B4GALNT2: variants seen among roughly 807,000 people sequenced by gnomAD.
B4GALNT2 encodes N-acetylneuraminylgalactosylglucosyl-glucoside beta-1,4-N- acetylgalactosaminyltransferase 2.
In B4GALNT2, 42 loss-of-function variants were observed where a neutral mutation model predicts 51.1. The observed-to-expected ratio is 0.82, with a 90% CI of 0.64 to 1.06. The LOEUF is 1.06. Among genes scored for constraint, B4GALNT2 ranks in the 50% least tolerant of loss-of-function variants. The pLI is 0.00. For missense variants in B4GALNT2, 602 were observed against 633.6 expected (o/e 0.95, Z 0.54); for synonymous variants, 253 against 251.7 (o/e 1.01, Z -0.05).
chr17:49,125,288 T>A, the B4GALNT2 span, among the ~76,000 whole-genome samples: 9 of 152,118 alleles, frequency 5.9e-5, no homozygotes, highest in Admixed American at 4.6e-4. Context: ...GCCTCCCGAG[T>A]AGCTGGGATT....
the B4GALNT2 span, among the ~76,000 whole-genome samples, chr17:49,126,849 C>G: frequency 2.6e-5 from 4 of 152,026 alleles, no homozygotes; most frequent in East Asian, 1.9e-4. Context: ...TAGGTACGTG[C>G]CACTACGCCC....
Position 49,141,296 on chromosome 17 carries a change from G to T in B4GALNT2, c.64G>T (p.Gly22Cys), listed in dbSNP as rs781083107. ...GATATTGGTCATAATCCTGGTACTTGGCATTGTTGGATTTATGTTCGGAAG... is the reference window on the plus strand; with the variant it reads ...GATATTGGTCATAATCCTGGTACTTTGCATTGTTGGATTTATGTTCGGAAG... ...LKILVIILVLGIVGFMFGSMF... is the reference protein window; with the variant it reads ...LKILVIILVLCIVGFMFGSMF... The change falls in exon 2 of 11, where the codon GGC becomes TGC. Residue 22 changes from glycine to cysteine, a missense_variant. Physicochemically the swap from Gly to Cys is radical, Grantham distance 159 (BLOSUM62 -3). Transcript: ENST00000393354. 8.7e-6 allele frequency: 14 copies of T among 1,614,014 alleles called. No individual in the cohort carries two copies. Among genetic ancestry groups the T allele is most frequent in the Non-Finnish European group, 1.1e-5 (13 of 1,179,984 alleles).
rs2042992223 is a variant in B4GALNT2 at position 49,176,826 on chromosome 17, G to T, written c.*7098G>T. The T allele has an allele frequency of 6.6e-6, 1 of 152,114 alleles. No homozygotes were observed. The highest frequency in any genetic ancestry group is 1.5e-5 in the Non-Finnish European group (1 of 68,018). The allele number at this position is 152,114 out of a possible 1,614,324, so 9.4% of individuals were successfully genotyped here. ...ATATTAATAAAAATTCCTGAAAAAT[G>T]GACTTACAGCAAAATTGATTTTGGT... On this transcript the variant is annotated 3_prime_UTR_variant, in exon 11 of 11. Transcript: ENST00000393354.
At chr17:49,132,328 A>G, upstream of B4GALNT2, 1 of 166,766 alleles carries the variant, frequency 6.0e-6, no homozygotes, top group Non-Finnish European at 1.3e-5. Context: ...AGAAGGATTC[A>G]GCCACACCCC....
At chr17:49,161,065 A>G (rs989459627) in intron 7 of B4GALNT2, among the ~76,000 whole-genome samples, 12 of 152,168 alleles carry the variant, frequency 7.9e-5, no homozygotes, top group Non-Finnish European at 1.5e-4. Flanking sequence ...ACCTGAGGTC[A>G]GGAGTTCAAG....
In B4GALNT2 at chr17:49,176,235, C is replaced by T. The variant is rs1443358890; in HGVS notation, c.*6507C>T. The T allele has an allele frequency of 2.0e-5, 3 of 152,224 alleles. No individual in the cohort carries two copies. Among genetic ancestry groups the T allele is most frequent in the African/African-American group, 4.8e-5 (2 of 41,448 alleles). The allele number at this position is 152,224 out of a possible 1,614,324, so 9.4% of individuals were successfully genotyped here. A position where few individuals can be genotyped will look rare whatever the true frequency, so the allele number is the denominator to read the frequency against. On this transcript the variant is annotated 3_prime_UTR_variant, in exon 11 of 11. Transcript: ENST00000393354. ...CCAGCTCGGTCTTGGAGACCCTAACCCAGCGGCGCTAGAGGAATTAAAGAC... is the reference window on the plus strand; with the variant it reads ...CCAGCTCGGTCTTGGAGACCCTAACTCAGCGGCGCTAGAGGAATTAAAGAC...
the B4GALNT2 span, among the ~76,000 whole-genome samples, chr17:49,126,309 G>A: frequency 2.0e-5 from 3 of 152,126 alleles, no homozygotes; most frequent in African/African-American, 4.8e-5. Flanking sequence ...CAGCATGCTC[G>A]TTAAGAGTCA....
At chr17:49,150,366 C>T (rs1210004782) in intron 3 of B4GALNT2, among the ~76,000 whole-genome samples, 2 of 152,052 alleles carry the variant, frequency 1.3e-5, no homozygotes, top group Non-Finnish European at 2.9e-5. Flanking sequence ...TGCCTGGCCA[C>T]CCCTACTGGG....
chr17:49,138,244 G>T (rs2042607921), intron 1 of B4GALNT2, among the ~76,000 whole-genome samples: 1 of 152,162 alleles, frequency 6.6e-6, no homozygotes, highest in Non-Finnish European at 1.5e-5. Flanking sequence ...ATGTCGGTTG[G>T]TACCAACCAT....
intron 9 of B4GALNT2, among the ~76,000 whole-genome samples, chr17:49,167,824 GCTCTCGAA>G (rs2042924796): frequency 6.6e-6 from 1 of 152,020 alleles, no homozygotes; most frequent in Non-Finnish European, 1.5e-5. Context: ...TGGCCAGGCT[GCTCTCGAA>G]CTCCTGACCT....
intron 8 of B4GALNT2, among the ~76,000 whole-genome samples, chr17:49,164,846 G>A (rs2042897029): frequency 6.6e-6 from 1 of 151,902 alleles, no homozygotes; most frequent in African/African-American, 2.4e-5. Flanking sequence ...GTCTTGCTCT[G>A]TCACCTAGGC....
rs925564393 is a variant in B4GALNT2, at chr17:49,176,154, C to A, written c.*6426C>A. The A allele has an allele frequency of 1.1e-4, 17 of 152,266 alleles. No individual in the cohort carries two copies. The highest frequency in any genetic ancestry group is 3.9e-4 in the African/African-American group (16 of 41,468). The allele number at this position is 152,266 out of a possible 1,614,324, so 9.4% of individuals were successfully genotyped here. A position where few individuals can be genotyped will look rare whatever the true frequency, so the allele number is the denominator to read the frequency against. ...TTAGTTCCACATTCTCCAACCATCA[C>A]TCCAGCGACCCTTCAACTGGGGTTC... On this transcript the variant is annotated 3_prime_UTR_variant, in exon 11 of 11. Transcript: ENST00000393354.
chr17:49,129,569 C>T (rs575183552), upstream of B4GALNT2, among the ~76,000 whole-genome samples: 1 of 151,998 alleles, frequency 6.6e-6, no homozygotes, highest in Non-Finnish European at 1.5e-5. Context: ...AGTGGCTCAA[C>T]AGTCAAAGGT....
rs1240323127 is a variant in B4GALNT2, at chr17:49,169,706, A to G, written c.1499A>G (p.Asn500Ser). Residue 500 changes from asparagine to serine, a missense_variant, in exon 11 of 11, where the codon AAC (asparagine) becomes AGC (serine). Physicochemically the swap from Asn to Ser is conservative, Grantham distance 46. Coordinates refer to ENST00000393354, the MANE Select transcript of B4GALNT2 (RefSeq NM_001159387.2). ...QFKLALHYFK[N>S]HLQCAA ...AAGCTGGCCCTCCACTACTTCAAGA[A>G]CCATCTCCAATGTGCCGCATAAAGG... 6.3e-7 allele frequency: 1 copy of G among 1,591,704 alleles called. No individual in the cohort carries two copies.
At chr17:49,127,773 C>A (rs1224111657), upstream of B4GALNT2, among the ~76,000 whole-genome samples, 10 of 152,170 alleles carry the variant, frequency 6.6e-5, no homozygotes, top group South Asian at 1.9e-3. Flanking sequence ...AGCACTTATT[C>A]ACCTCTAATT....
intron 1 of B4GALNT2, among the ~76,000 whole-genome samples, chr17:49,139,140 C>A (rs1163679092): frequency 6.6e-6 from 1 of 152,064 alleles, no homozygotes; most frequent in Non-Finnish European, 1.5e-5. Flanking sequence ...GTAAATAATA[C>A]TTTTTATTTC....
intron 3 of B4GALNT2, among the ~76,000 whole-genome samples, chr17:49,146,804 G>A (rs2042699357): frequency 6.6e-6 from 1 of 152,278 alleles, no homozygotes; most frequent in Admixed American, 6.5e-5. Context: ...GATTACAAGG[G>A]CTATGTCTCC....
At chr17:49,154,736 G>C (rs2042791424) in intron 4 of B4GALNT2, among the ~76,000 whole-genome samples, 1 of 151,996 alleles carries the variant, frequency 6.6e-6, no homozygotes, top group Admixed American at 6.6e-5. Context: ...CTGAGACAGA[G>C]GGGGATGCAG....
chr17:49,142,340 C>T (rs1259848415), intron 3 of B4GALNT2, among the ~76,000 whole-genome samples, 168 bp downstream of exon 3: 1 of 152,070 alleles, frequency 6.6e-6, no homozygotes, highest in East Asian at 1.9e-4. Context: ...AGGAAATCAT[C>T]CTTAAATGAA....
Sources: gnomAD v4.1 joint callset for allele counts (sites outside exome capture counted in the v4.1 genomes callset) on GRCh38, gnomAD v4.1.1 for gene constraint, MANE v1.5 for transcripts, NCBI Gene and HGNC (gene_info 2026-07-23, HGNC 2026-07-21) for gene names.